CTNNA3: variants seen among roughly 807,000 people sequenced by gnomAD.
CTNNA3 encodes catenin alpha 3, also known as catenin alpha-3.
CTNNA3 carries 76 observed loss-of-function variants against 95.7 expected under a neutral mutation model. That is an observed-to-expected ratio of 0.79 (90% confidence interval 0.66 to 0.96). The LOEUF is 0.96. Ranked by LOEUF, CTNNA3 falls within the 40% of genes least tolerant of loss-of-function variation. The pLI is 0.00. For synonymous variants in CTNNA3, 431 were observed against 374.4 expected, an observed-to-expected ratio of 1.15 and a Z score of -1.74; for missense variants, 1,191 against 1,089.8, an observed-to-expected ratio of 1.09 and a Z score of -1.31.
chr10:66,174,970 C>G (rs1285125761), intron 13 of CTNNA3, among the ~76,000 whole-genome samples: 2 of 151,966 alleles, frequency 1.3e-5, no homozygotes, highest in Admixed American at 6.6e-5. Context: ...CCTAGAACAC[C>G]ATGTCAGATA....
chr10:66,826,680 T>C (rs988105197), intron 7 of CTNNA3, among the ~76,000 whole-genome samples: 1 of 152,142 alleles, frequency 6.6e-6, no homozygotes, highest in East Asian at 1.9e-4. Context: ...TAGTTTGAGA[T>C]ATATATTTTA....
intron 17 of CTNNA3, among the ~76,000 whole-genome samples, chr10:65,953,557 C>G (rs2077664779): frequency 6.6e-6 from 1 of 151,834 alleles, no homozygotes; most frequent in Non-Finnish European, 1.5e-5. Flanking sequence ...CATGACAGGC[C>G]CCGGTGTGTG....
At chr10:66,654,257 A>C (rs1846002009) in intron 9 of CTNNA3, among the ~76,000 whole-genome samples, 1 of 152,056 alleles carries the variant, frequency 6.6e-6, no homozygotes, top group Non-Finnish European at 1.5e-5. Flanking sequence ...CAATAGAAAA[A>C]AACCCAAATA....
chr10:67,468,466 A>T (rs191813137), intron 5 of CTNNA3, among the ~76,000 whole-genome samples: 46 of 152,334 alleles, frequency 3.0e-4, no homozygotes, highest in Admixed American at 1.6e-3. Flanking sequence ...ACATATATTC[A>T]GCCACAGAGT....
At chr10:67,382,533 A>C (rs1277762335) in intron 5 of CTNNA3, among the ~76,000 whole-genome samples, 1 of 152,228 alleles carries the variant, frequency 6.6e-6, no homozygotes, top group African/African-American at 2.4e-5. Flanking sequence ...TTAAGGTTTC[A>C]TTAATTGTTA....
At chr10:66,156,281 T>C (rs2084505337) in intron 13 of CTNNA3, among the ~76,000 whole-genome samples, 1 of 151,932 alleles carries the variant, frequency 6.6e-6, no homozygotes, top group South Asian at 2.1e-4. Flanking sequence ...GGAGGGATCC[T>C]TGTGATGATA....
chr10:65,964,415 T>C (rs1466197221), intron 17 of CTNNA3, among the ~76,000 whole-genome samples: 1 of 152,222 alleles, frequency 6.6e-6, no homozygotes, highest in Non-Finnish European at 1.5e-5. Context: ...CCTCATTTTA[T>C]ATAATGACTC....
chr10:66,736,029 T>C (rs1260692214), intron 9 of CTNNA3, among the ~76,000 whole-genome samples: 1 of 152,038 alleles, frequency 6.6e-6, no homozygotes, highest in Non-Finnish European at 1.5e-5. Flanking sequence ...AATAGAAAAA[T>C]GCATAAAGCA....
At chr10:66,016,682 G>C (rs1235332696) in intron 15 of CTNNA3, among the ~76,000 whole-genome samples, 1 of 152,004 alleles carries the variant, frequency 6.6e-6, no homozygotes, top group African/African-American at 2.4e-5. Context: ...GCTACTTTCT[G>C]ACCTCAGTAG....
rs992703917 is a variant in CTNNA3 at position 66,174,579 on chromosome 10, T to C, written c.1885-71330A>G. Among the ~76,000 whole-genome samples the C allele has an allele frequency of 5.3e-5, 8 of 152,056 alleles. No individual in the cohort carries two copies. The East Asian group carries it at 9.7e-4, about 18-fold the overall frequency. ...GGTTTGAACTATGTGGGTCCACTTA[T>C]ATGTCAACTTTTTTTCAACCAAACA... On this transcript the variant is annotated intron_variant, in intron 13 of 17. Transcript: ENST00000433211.
chr10:67,141,719 C>A (rs1278280476), intron 7 of CTNNA3, among the ~76,000 whole-genome samples: 1 of 152,162 alleles, frequency 6.6e-6, no homozygotes, highest in Non-Finnish European at 1.5e-5. Flanking sequence ...ATAAATGCAG[C>A]TGCCTTAGTC....
chr10:67,589,671 G>A (rs1225129652), intron 3 of CTNNA3, among the ~76,000 whole-genome samples: 1 of 152,030 alleles, frequency 6.6e-6, no homozygotes, highest in Non-Finnish European at 1.5e-5. Flanking sequence ...AAAAACAAGA[G>A]AATGCCTTTT....
chr10:67,119,363 A>G (rs1859352353), intron 7 of CTNNA3, among the ~76,000 whole-genome samples: 1 of 152,024 alleles, frequency 6.6e-6, no homozygotes, highest in South Asian at 2.1e-4. Flanking sequence ...TGAGCTATAC[A>G]TCTTCTCTAC....
intron 7 of CTNNA3, among the ~76,000 whole-genome samples, chr10:67,133,343 A>AC (rs59049555): frequency 1.9e-5 from 2 of 104,520 alleles, no homozygotes; most frequent in African/African-American, 3.9e-5. Flanking sequence ...ACACACACAC[A>AC]ATGGTAGATA....
chr10:67,112,443 A>T (rs1372772382), intron 7 of CTNNA3, among the ~76,000 whole-genome samples: 1 of 152,136 alleles, frequency 6.6e-6, no homozygotes, highest in Non-Finnish European at 1.5e-5. Context: ...GAATACATTT[A>T]TGTAATCACT....
At chr10:67,272,429 T>C (rs577087160) in intron 5 of CTNNA3, among the ~76,000 whole-genome samples, 136 of 152,202 alleles carry the variant, frequency 8.9e-4, no homozygotes, top group Non-Finnish European at 1.8e-3. Flanking sequence ...GGTGCATGCC[T>C]GTAGTCCCGG....
In CTNNA3 at chr10:65,954,817, C is replaced by T. The variant is rs572018040; in HGVS notation, c.2400+11795G>A. Among the ~76,000 whole-genome samples, 5 of 152,276 alleles carry T rather than the reference C, an allele frequency of 3.3e-5. No homozygotes were observed. In the East Asian group the frequency reaches 9.7e-4, roughly 29 times the overall value. On this transcript the variant is annotated intron_variant, in intron 17 of 17. Coordinates refer to ENST00000433211, the MANE Select transcript of CTNNA3 (RefSeq NM_013266.4). ...TGTAGCATAGTTTGAAGTCAGGTAG[C>T]ATGATGCCTCCAGCTTTGTTCTTTT...
chr10:67,134,902 G>T (rs1860218786), intron 7 of CTNNA3, among the ~76,000 whole-genome samples: 1 of 152,036 alleles, frequency 6.6e-6, no homozygotes, highest in Non-Finnish European at 1.5e-5. Flanking sequence ...GAAGTAAAAG[G>T]CAAGGTGAGT....
chr10:67,100,539 A>G (rs1330728838), intron 7 of CTNNA3, among the ~76,000 whole-genome samples: 1 of 151,710 alleles, frequency 6.6e-6, no homozygotes, highest in Non-Finnish European at 1.5e-5. Context: ...CTTTTCCAGC[A>G]TTTGATAATC....
Sources: allele counts gnomAD v4.1 joint callset (sites outside exome capture counted in the v4.1 genomes callset), GRCh38; gene constraint gnomAD v4.1.1; transcripts MANE v1.5; gene names NCBI Gene and HGNC (gene_info 2026-07-23, HGNC 2026-07-21).